TNPO1: variants seen among roughly 807,000 people sequenced by gnomAD.
TNPO1 encodes the protein transportin 1, also known as transportin-1.
Under a neutral mutation model 119.5 loss-of-function variants are expected in TNPO1, and 8 were observed. The ratio of observed to expected loss-of-function variants is 0.07; its 90% CI spans 0.04 to 0.12. The LOEUF (loss-of-function observed/expected upper bound fraction) is 0.12, where lower values mean the gene tolerates loss of function less well. TNPO1 is among the 10% of genes least tolerant of loss of function. The pLI, the probability that TNPO1 is intolerant of heterozygous loss-of-function variation, is 1.00. For synonymous variants in TNPO1, 362 were observed against 363.0 expected, an observed-to-expected ratio of 1.00 and a Z score of 0.03; for missense variants, 576 against 1,089.8, an observed-to-expected ratio of 0.53 and a Z score of 6.64.
intron 18 of TNPO1, among the ~76,000 whole-genome samples, chr5:72,894,532 G>A (rs1198404516): frequency 6.6e-6 from 1 of 152,164 alleles, no homozygotes. Context: ...TTAGCCAGGC[G>A]TGGTGGCTTG....
chr5:72,849,143 C>T (rs1745352145), intron 2 of TNPO1, among the ~76,000 whole-genome samples: 1 of 152,178 alleles, frequency 6.6e-6, no homozygotes, highest in Non-Finnish European at 1.5e-5. Flanking sequence ...CCTTGTCACC[C>T]AAGTGAGATT....
intron 1 of TNPO1, among the ~76,000 whole-genome samples, chr5:72,832,852 T>C (rs1041587041): frequency 2.0e-5 from 3 of 152,164 alleles, no homozygotes; most frequent in Non-Finnish European, 2.9e-5. Flanking sequence ...AATTGGCAGA[T>C]GACTTTATTC....
intron 13 of TNPO1, 118 bp from the exon 14 acceptor site, chr5:72,889,668 G>T: frequency 1.9e-6 from 2 of 1,068,802 alleles, no homozygotes; most frequent in Non-Finnish European, 2.6e-6. Flanking sequence ...ATTAACAGAT[G>T]GCTTAGACCA....
intron 13 of TNPO1, among the ~76,000 whole-genome samples, chr5:72,889,111 G>A: frequency 6.6e-6 from 1 of 152,160 alleles, no homozygotes; most frequent in East Asian, 1.9e-4. Flanking sequence ...AGGCTGGAGT[G>A]CAGTGGTGTG....
chr5:72,889,078 G>A (rs1748864749), intron 13 of TNPO1, among the ~76,000 whole-genome samples: 1 of 151,936 alleles, frequency 6.6e-6, no homozygotes, highest in Non-Finnish European at 1.5e-5. Flanking sequence ...ATTTTTTTTA[G>A]ATGGAGTCTT....
chr5:72,878,889 C>T lies in TNPO1; in HGVS notation c.920+1543C>T, dbSNP rs1443354797. 3 of 508,382 alleles carry T rather than the reference C, an allele frequency of 5.9e-6. No homozygotes were observed. In the African/African-American group the frequency reaches 5.9e-5, roughly 10 times the overall value. 31.5% of individuals were successfully genotyped at this position (508,382 alleles called of 1,614,324 possible). On this transcript the variant is annotated intron_variant, in intron 9 of 24. Transcript: ENST00000337273. The stretch of plus-strand genomic sequence containing the variant: ...TAGTTTAAATCCTTGAGGGGTACAG[C>T]ATCACTCAGATTTTGTGTCCAATGG...
intron 1 of TNPO1, 195 bp downstream of exon 1, chr5:72,816,947 G>A: frequency 1.7e-6 from 1 of 590,768 alleles, no homozygotes; most frequent in Non-Finnish European, 2.7e-6. Context: ...GCGCCCTGCG[G>A]GACCCGGGTA....
intron 3 of TNPO1, among the ~76,000 whole-genome samples, chr5:72,854,250 C>G (rs1028836756): frequency 6.6e-6 from 1 of 152,142 alleles, no homozygotes; most frequent in Non-Finnish European, 1.5e-5. Flanking sequence ...GAGACGGAGT[C>G]TCGCAATGGG....
At chr5:72,846,716 C>T (rs1209019352) in intron 1 of TNPO1, among the ~76,000 whole-genome samples, 1 of 152,122 alleles carries the variant, frequency 6.6e-6, no homozygotes, top group African/African-American at 2.4e-5. Context: ...ACTCAGCGAT[C>T]TCTATCTTGA....
rs185255711 is a variant in TNPO1 at position 72,868,727 on chromosome 5, G to T, written c.596+2998G>T. Among the ~76,000 whole-genome samples the T allele has an allele frequency of 3.3e-5, 5 of 151,988 alleles. No homozygotes were observed. In the East Asian group the frequency reaches 9.7e-4, roughly 30 times the overall value. On this transcript the variant is annotated intron_variant, in intron 6 of 24. Transcript: ENST00000337273. ...TAGAGCAAAAATTGGAGTGTTTGAGGCTTTTTTCTTTTTTTAACAAGTTGC... is the reference window on the plus strand; with the variant it reads ...TAGAGCAAAAATTGGAGTGTTTGAGTCTTTTTTCTTTTTTTAACAAGTTGC...
chr5:72,831,419 A>G (rs1744458271), intron 1 of TNPO1, among the ~76,000 whole-genome samples: 1 of 151,904 alleles, frequency 6.6e-6, no homozygotes. Context: ...TCCTTGTATT[A>G]TTATGTCTGA....
intron 1 of TNPO1, among the ~76,000 whole-genome samples, chr5:72,823,099 T>C (rs1744044818): frequency 6.6e-6 from 1 of 152,102 alleles, no homozygotes; most frequent in Admixed American, 6.5e-5. Flanking sequence ...ACTTTCTTGC[T>C]GTAATGGAAA....
chr5:72,902,801 A>G (rs1749888787), intron 22 of TNPO1, among the ~76,000 whole-genome samples: 1 of 152,128 alleles, frequency 6.6e-6, no homozygotes, highest in Admixed American at 6.5e-5. Context: ...TAAATTTTTT[A>G]ATCACAAATT....
At chr5:72,880,300 T>C (rs1018999624) in intron 9 of TNPO1, among the ~76,000 whole-genome samples, 6 of 152,218 alleles carry the variant, frequency 3.9e-5, no homozygotes, top group African/African-American at 1.4e-4. Context: ...ATTTTTATTA[T>C]TGAACATTAA....
chr5:72,875,751 T>C lies in TNPO1; in HGVS notation c.801+14T>C. 6.3e-7 allele frequency: 1 copy of C among 1,588,608 alleles called. No individual in the cohort carries two copies. Among genetic ancestry groups the C allele is most frequent in the Non-Finnish European group, 8.6e-7 (1 of 1,160,540 alleles). On this transcript the variant is annotated intron_variant, in intron 8 of 24. Coordinates refer to ENST00000337273, the MANE Select transcript of TNPO1 (RefSeq NM_002270.4). Reference sequence around the variant, plus strand: ...AATATAGTTGAGGTAACACTGGCAATTTAAAGGCTCTTTCATCATCTTTCC... The same window carrying C: ...AATATAGTTGAGGTAACACTGGCAACTTAAAGGCTCTTTCATCATCTTTCC...
chr5:72,827,214 A>G (rs990681338), intron 1 of TNPO1, among the ~76,000 whole-genome samples: 1 of 152,198 alleles, frequency 6.6e-6, no homozygotes, highest in African/African-American at 2.4e-5. Context: ...TGTGATGAAC[A>G]TAGTGAAAAA....
intron 9 of TNPO1, chr5:72,878,826 C>T: frequency 7.6e-6 from 3 of 392,180 alleles, no homozygotes; most frequent in East Asian, 7.2e-5. Context: ...TTTTTTTCTT[C>T]AAGAGCAGAA....
intron 6 of TNPO1, among the ~76,000 whole-genome samples, chr5:72,867,169 T>TG (rs1242346126): frequency 2.1e-5 from 1 of 48,254 alleles, no homozygotes; most frequent in African/African-American, 5.6e-5. Flanking sequence ...AGACCCTGCC[T>TG]GAAAAAAAAA....
chr5:72,899,427 C>G (rs920007867), intron 20 of TNPO1, among the ~76,000 whole-genome samples: 1 of 151,898 alleles, frequency 6.6e-6, no homozygotes, highest in Non-Finnish European at 1.5e-5. Context: ...AACAAATTTC[C>G]ACTGGTTGGT....
Sources: gnomAD v4.1 joint callset for allele counts (sites outside exome capture counted in the v4.1 genomes callset) on GRCh38, gnomAD v4.1.1 for gene constraint, MANE v1.5 for transcripts, NCBI Gene and HGNC (gene_info 2026-07-23, HGNC 2026-07-21) for gene names.